The following KDM5D variants were observed in gnomAD, a reference collection of about 807,000 sequenced individuals.
KDM5D encodes lysine-specific demethylase 5D.
In KDM5D, 25 loss-of-function variants were observed where a neutral mutation model predicts 31.9. The ratio of observed to expected loss-of-function variants is 0.78; its 90% CI spans 0.57 to 1.09. The LOEUF (loss-of-function observed/expected upper bound fraction) is 1.09. Among genes scored for constraint, KDM5D ranks in the 50% least tolerant of loss-of-function variants. KDM5D has a pLI of 0.00. For synonymous variants in KDM5D, 146 were observed against 122.3 expected (o/e 1.19, Z -1.28); for missense variants, 366 against 341.6 (o/e 1.07, Z -0.56).
intron 9 of KDM5D, 59 bp downstream of exon 9, chrY:19,732,525 G>A: frequency 3.4e-6 from 1 of 292,410 alleles, no homozygotes; most frequent in Non-Finnish European, 5.0e-6. Flanking sequence ...AAACCCAGAA[G>A]GGGAGATTAC....
chrY:19,708,493 T>C, intron 21 of KDM5D, 70 bp from the exon 22 acceptor site: 1 of 214,679 alleles, frequency 4.7e-6, no homozygotes, highest in Non-Finnish European at 7.6e-6. Flanking sequence ...TCCTAAGTAA[T>C]ACTGGGTATT....
Position 19,707,389 on chromosome Y carries a change from G to A in KDM5D, c.3757C>T (p.Gln1253Ter). The A allele has an allele frequency of 2.5e-6, 1 of 397,579 alleles. No individual in the cohort carries two copies. Among genetic ancestry groups the A allele is most frequent in the Non-Finnish European group, 3.5e-6 (1 of 282,739 alleles). The stretch of plus-strand genomic sequence containing the variant: ...TCAGGCAGCCGCACGGGCAGCCTCT[G>A]CAGGGCAACCAGCAAGGCTAGGATT... ...ETILALLVAL[Q>*]RLPVRLPEGE... The change falls in exon 24 of 27, where the codon CAG (glutamine) becomes TAG (stop). Residue 1253 changes from glutamine to a stop codon, truncating the protein, a stop_gained. Coordinates refer to ENST00000317961, the MANE Select transcript of KDM5D (RefSeq NM_004653.5). LOFTEE classifies it high-confidence loss of function.
Position 19,710,479 on chromosome Y carries a change from G to A in KDM5D, c.2487-7C>T. ...CAGCTGTGGAGTGTCCATCCTATAG[G>A]AGCCAGAAGGAACACCTCGTAATGT... On this transcript the variant is annotated splice_region_variant and splice_polypyrimidine_tract_variant and intron_variant, in intron 18 of 26. Transcript: ENST00000317961. The A allele has an allele frequency of 3.1e-6, 1 of 327,090 alleles. No homozygotes were observed. The highest frequency in any genetic ancestry group is 3.3e-5 in the South Asian group (1 of 29,892). 81.6% of individuals were successfully genotyped at this position (327,090 alleles called of 400,897 possible).
chrY:19,738,274 A>G (rs2045523382), intron 6 of KDM5D, among the ~76,000 whole-genome samples: 2 of 33,854 alleles, frequency 5.9e-5, no homozygotes, highest in African/African-American at 1.2e-4. Context: ...TAGTTATTAC[A>G]TGTTCATTTT....
In KDM5D at chrY:19,715,818, C is replaced by A; in HGVS notation, c.2213+5G>T. 1 of 398,804 alleles carries A rather than the reference C, an allele frequency of 2.5e-6. No individual in the cohort carries two copies. The highest frequency in any genetic ancestry group is 9.2e-5 in the East Asian group (1 of 10,849). On this transcript the variant is annotated splice_donor_5th_base_variant and intron_variant, in intron 16 of 26. Transcript: ENST00000317961. ...TTCACGTCCCCACAGTGTTCCCATG[C>A]TCACCGGAGGTACTGTCGGCTACTA...
chrY:19,730,201 T>C (rs2045462862), intron 11 of KDM5D, among the ~76,000 whole-genome samples: 1 of 33,982 alleles, frequency 2.9e-5, no homozygotes, highest in Non-Finnish European at 7.3e-5. Context: ...TAGCAAAGCT[T>C]GAAAATTAAT....
chrY:19,722,776 ACCAGAAAAT>A (rs2045403882), intron 11 of KDM5D, among the ~76,000 whole-genome samples: 1 of 32,730 alleles, frequency 3.1e-5, no homozygotes, highest in Non-Finnish European at 7.5e-5. Context: ...AAAAATCTCT[ACCAGAAAAT>A]CCAGAAAACA....
intron 5 of KDM5D, among the ~76,000 whole-genome samples, chrY:19,740,208 G>A (rs1031288345): frequency 3.0e-5 from 1 of 33,550 alleles, no homozygotes; most frequent in African/African-American, 1.2e-4. Context: ...TGTACGCTAA[G>A]TGAAACATGT....
At chrY:19,715,292 C>A in intron 18 of KDM5D, 60 bp downstream of exon 18, 2 of 330,346 alleles carry the variant, frequency 6.1e-6, no homozygotes, top group Non-Finnish European at 9.0e-6. Flanking sequence ...TATAGTCTAT[C>A]CATTTTTGTT....
Position 19,739,652 on chromosome Y carries a change from G to T in KDM5D, c.533C>A (p.Thr178Lys). ...QSGANHVQCN[T>K]HPFDNEVKDK... ...TTTTACCTCATTGTCAAACGGGTGT[G>T]TGTTACATTGCTAGAGAGAAAAAAA... Residue 178 changes from threonine (T) to lysine (K), a missense_variant, in exon 6 of 27, where the codon ACA (threonine) becomes AAA (lysine). Thr to Lys is a moderately conservative substitution (Grantham distance 78, BLOSUM62 -1). Transcript: ENST00000317961. The T allele has an allele frequency of 2.6e-6, 1 of 389,632 alleles. No homozygotes were observed. The highest frequency in any genetic ancestry group is 3.6e-6 in the Non-Finnish European group (1 of 276,941).
At chrY:19,720,701 G>T in intron 13 of KDM5D, among the ~76,000 whole-genome samples, 171 bp downstream of exon 13, 1 of 33,581 alleles carries the variant, frequency 3.0e-5, no homozygotes, top group Non-Finnish European at 7.4e-5. Context: ...CCCAGCTAAC[G>T]GTACTGATCT....
At position 19,715,349 on chromosome Y, in the gene KDM5D, T is replaced by C; in HGVS notation, c.2486+3A>G. 2.5e-6 allele frequency: 1 copy of C among 397,855 alleles called. No homozygotes were observed. Among genetic ancestry groups the C allele is most frequent in the Non-Finnish European group, 3.5e-6 (1 of 282,833 alleles). On this transcript the variant is annotated splice_donor_region_variant and intron_variant, in intron 18 of 26. Transcript: ENST00000317961. The stretch of plus-strand genomic sequence containing the variant: ...CCCTTCTTTGCCTTCTCCTCTCACG[T>C]ACCTGGCCACCTGACCACTGACCAG...
rs748402032 is a variant in KDM5D at position 19,715,437 on chromosome Y, GCTCA to G, written c.2397_2400del (p.Glu800CysfsTer5). On this transcript the variant is annotated frameshift_variant, in exon 18 of 27. Coordinates refer to ENST00000317961, the MANE Select transcript of KDM5D (RefSeq NM_004653.5). LOFTEE classifies it high-confidence loss of function. ...AGGCAGTTCTTCAGTCGCTGAAGCAGCTCACTATTAGGAAACCTCCTCTCACGAG... is the reference window on the plus strand; with the variant it reads ...AGGCAGTTCTTCAGTCGCTGAAGCAGCTATTAGGAAACCTCCTCTCACGAG... 2.5e-6 allele frequency: 1 copy of G among 397,637 alleles called. No individual in the cohort carries two copies. Among genetic ancestry groups the G allele is most frequent in the Non-Finnish European group, 3.5e-6 (1 of 282,594 alleles).
rs2032643 is a variant in KDM5D, at chrY:19,744,031, T to G, written c.150+354A>C. Among the ~76,000 whole-genome samples, 6 of 34,323 alleles carry G rather than the reference T, an allele frequency of 1.7e-4. No homozygotes were observed. The East Asian group carries it at 4.6e-3, about 26-fold the overall frequency. 92.1% of individuals were successfully genotyped at this position (34,323 alleles called of 37,273 possible). ...CAGTCCAAGTGGTTAACACACAAGCTTATATAACTTGCTTCTGTCATAGAT... is the reference window on the plus strand; with the variant it reads ...CAGTCCAAGTGGTTAACACACAAGCGTATATAACTTGCTTCTGTCATAGAT... On this transcript the variant is annotated intron_variant, in intron 2 of 26. Transcript: ENST00000317961.
At chrY:19,724,565 C>A (rs2045415790) in intron 11 of KDM5D, among the ~76,000 whole-genome samples, 1 of 33,233 alleles carries the variant, frequency 3.0e-5, no homozygotes, top group Non-Finnish European at 7.4e-5. Context: ...GGAACATTAT[C>A]TCAAAATAAT....
intron 9 of KDM5D, 66 bp from the exon 10 acceptor site, chrY:19,732,231 G>A: frequency 3.5e-6 from 1 of 288,940 alleles, no homozygotes; most frequent in Non-Finnish European, 5.2e-6. Context: ...AGAGCTAAGG[G>A]GAGATAAATT....
Position 19,705,232 on chromosome Y carries a change from G to C in KDM5D, c.*763C>G. On this transcript the variant is annotated 3_prime_UTR_variant, in exon 27 of 27. Coordinates refer to ENST00000317961, the MANE Select transcript of KDM5D (RefSeq NM_004653.5). The stretch of plus-strand genomic sequence containing the variant: ...AGGTAAGTTTTCTATTGCTGGTGCT[G>C]GGTCAACTGGACATCCTTTGAGAAA... 3.0e-5 allele frequency: 1 copy of C among 33,457 alleles called. No individual in the cohort carries two copies. Among genetic ancestry groups the C allele is most frequent in the African/African-American group, 1.2e-4 (1 of 8,566 alleles). The allele number at this position is 33,457 out of a possible 400,897, so 8.3% of individuals were successfully genotyped here.
intron 19 of KDM5D, chrY:19,710,157 G>A: frequency 2.7e-6 from 1 of 364,199 alleles, no homozygotes; most frequent in Non-Finnish European, 3.8e-6. Flanking sequence ...TGTAGGCCCA[G>A]TTTAGAGTTT....
Position 19,732,172 on chromosome Y carries a change from T to C in KDM5D, c.1093-7A>G, listed in dbSNP as rs2032673. On this transcript the variant is annotated splice_region_variant and splice_polypyrimidine_tract_variant and intron_variant, in intron 9 of 26. Coordinates refer to ENST00000317961, the MANE Select transcript of KDM5D (RefSeq NM_004653.5). ...CAGGAGGCTGTTTACACTCCTGAAATAAAATATATTTCAGCAAGACAAAGG... is the reference window on the plus strand; with the variant it reads ...CAGGAGGCTGTTTACACTCCTGAAACAAAATATATTTCAGCAAGACAAAGG... 4,915 of 388,289 alleles carry C rather than the reference T, an allele frequency of 0.013. No homozygotes were observed. In the South Asian group the frequency reaches 0.14, roughly 11 times the overall value.
Sources: gnomAD v4.1 joint callset for allele counts (sites outside exome capture counted in the v4.1 genomes callset) on GRCh38, gnomAD v4.1.1 for gene constraint, MANE v1.5 for transcripts, NCBI Gene and HGNC (gene_info 2026-07-23, HGNC 2026-07-21) for gene names.